NRXN3: variants seen among roughly 807,000 people sequenced by gnomAD.
NRXN3 encodes neurexin III.
In NRXN3, 32 loss-of-function variants were observed where a neutral mutation model predicts 137.6. The observed-to-expected ratio is 0.23, with a 90% CI of 0.18 to 0.31. The LOEUF (loss-of-function observed/expected upper bound fraction) is 0.31. Among genes scored for constraint, NRXN3 ranks in the 10% least tolerant of loss-of-function variants. The pLI is 1.00. For synonymous variants in NRXN3, 798 were observed against 784.5 expected, an observed-to-expected ratio of 1.02 and a Z score of -0.29; for missense variants, 1,574 against 2,062.5, an observed-to-expected ratio of 0.76 and a Z score of 4.59.
chr14:79,150,853 C>T (rs934880493), intron 15 of NRXN3, among the ~76,000 whole-genome samples: 3 of 151,954 alleles, frequency 2.0e-5, no homozygotes, highest in Non-Finnish European at 4.4e-5. Context: ...TAAATGAAGG[C>T]AGAAGCTGCA....
chr14:78,339,278 A>G (rs1240084466), intron 4 of NRXN3, among the ~76,000 whole-genome samples: 1 of 152,208 alleles, frequency 6.6e-6, no homozygotes, highest in East Asian at 1.9e-4. Context: ...TTAACTGATG[A>G]AGAAACTGAA....
chr14:79,531,972 A>G (rs1361173990), intron 16 of NRXN3, among the ~76,000 whole-genome samples: 1 of 152,186 alleles, frequency 6.6e-6, no homozygotes, highest in African/African-American at 2.4e-5. Context: ...TATATCCTTC[A>G]CCTTTATTGC....
At chr14:79,536,379 G>A (rs889171968) in intron 16 of NRXN3, among the ~76,000 whole-genome samples, 2 of 151,942 alleles carry the variant, frequency 1.3e-5, no homozygotes, top group Non-Finnish European at 2.9e-5. Flanking sequence ...AAAAGAGATT[G>A]GTTTTGGAGC....
chr14:78,860,604 T>G (rs1023234208), intron 10 of NRXN3, among the ~76,000 whole-genome samples: 14 of 152,140 alleles, frequency 9.2e-5, no homozygotes, highest in African/African-American at 2.7e-4. Flanking sequence ...ATAAAAGAAG[T>G]GTATTTTGTA....
At chr14:78,541,758 C>T (rs1342515958) in intron 4 of NRXN3, among the ~76,000 whole-genome samples, 1 of 152,158 alleles carries the variant, frequency 6.6e-6, no homozygotes, top group Non-Finnish European at 1.5e-5. Flanking sequence ...TGCTTTCATC[C>T]CACCTTTGGT....
intron 20 of NRXN3, chr14:79,853,574 G>C: frequency 7.4e-7 from 1 of 1,351,162 alleles, no homozygotes; most frequent in Admixed American, 1.9e-5. Context: ...ACTCCGTGCC[G>C]CCCTTACATG....
At chr14:79,118,984 C>G (rs114469530) in intron 15 of NRXN3, among the ~76,000 whole-genome samples, 166 of 152,238 alleles carry the variant, frequency 1.1e-3, no homozygotes, top group African/African-American at 3.8e-3. Flanking sequence ...GCAGTCATTA[C>G]CATCTGTAAG....
At chr14:78,597,409 A>C (rs1247912830) in intron 4 of NRXN3, among the ~76,000 whole-genome samples, 1 of 152,230 alleles carries the variant, frequency 6.6e-6, no homozygotes, top group Non-Finnish European at 1.5e-5. Context: ...CTACATGTTG[A>C]TTACAAAAAC....
At position 78,792,336 on chromosome 14, in the gene NRXN3, CAG is replaced by C. The variant is rs140744550; in HGVS notation, c.2045-11283_2045-11282del. Among the ~76,000 whole-genome samples the C allele has an allele frequency of 8.0e-3, 680 of 85,130 alleles. 5 individuals carry two copies. Among genetic ancestry groups the C allele is most frequent in the African/African-American group, 0.033 (641 of 19,532 alleles). The allele number at this position is 85,130 out of a possible 152,430, so 55.8% of individuals were successfully genotyped here. ...ACTAATTTGAAATAATTAGTAACAACAGGGGGTGGAAAAGATATGGCTAAAAA... is the reference window on the plus strand; with the variant it reads ...ACTAATTTGAAATAATTAGTAACAACGGGGTGGAAAAGATATGGCTAAAAA... On this transcript the variant is annotated intron_variant, in intron 8 of 20. Coordinates refer to ENST00000335750, the MANE Select transcript of NRXN3 (RefSeq NM_001330195.2).
At chr14:79,625,756 C>T (rs1271771528) in intron 16 of NRXN3, among the ~76,000 whole-genome samples, 1 of 152,156 alleles carries the variant, frequency 6.6e-6, no homozygotes, top group East Asian at 1.9e-4. Flanking sequence ...TCCCAGTTGT[C>T]CTGTATGTAT....
At chr14:78,971,387 T>TA (rs1387257559) in intron 14 of NRXN3, among the ~76,000 whole-genome samples, 1 of 152,020 alleles carries the variant, frequency 6.6e-6, no homozygotes, top group Non-Finnish European at 1.5e-5. Flanking sequence ...CTCTTCAAGA[T>TA]ATGTTTTATT....
chr14:78,690,746 A>G (rs2152769418), intron 6 of NRXN3, among the ~76,000 whole-genome samples: 1 of 152,324 alleles, frequency 6.6e-6, no homozygotes, highest in South Asian at 2.1e-4. Context: ...TTAGGTGACC[A>G]TTAACAGAAA....
At chr14:79,488,750 G>A (rs770340634) in intron 16 of NRXN3, among the ~76,000 whole-genome samples, 28 of 152,172 alleles carry the variant, frequency 1.8e-4, no homozygotes, top group Non-Finnish European at 3.5e-4. Context: ...AAACTTCTCA[G>A]TAAAGAAAGT....
At chr14:78,725,075 A>G (rs2098477036) in intron 8 of NRXN3, among the ~76,000 whole-genome samples, 1 of 152,204 alleles carries the variant, frequency 6.6e-6, no homozygotes, top group Non-Finnish European at 1.5e-5. Flanking sequence ...ACCCCAACAG[A>G]GCCTTCTAAG....
In NRXN3 at chr14:79,163,661, G is replaced by A. The variant is rs537398046; in HGVS notation, c.3262+175520G>A. 2.8e-4 allele frequency among the ~76,000 whole-genome samples: 42 copies of A among 151,904 alleles called. No individual in the cohort carries two copies. In the South Asian group the frequency reaches 8.7e-3, roughly 31 times the overall value. On this transcript the variant is annotated intron_variant, in intron 15 of 20. Coordinates refer to ENST00000335750, the MANE Select transcript of NRXN3 (RefSeq NM_001330195.2). The stretch of plus-strand genomic sequence containing the variant: ...ATATTATTTAATTTAGTAAGCAAAT[G>A]TCCCCTGGTATAAGCTGTGTGAATA...
intron 15 of NRXN3, among the ~76,000 whole-genome samples, chr14:79,385,410 T>C (rs1270479129): frequency 6.6e-6 from 1 of 152,034 alleles, no homozygotes; most frequent in African/African-American, 2.4e-5. Context: ...TATGGCTGCA[T>C]AGTATTCCAT....
At chr14:79,695,004 A>G (rs551850241) in intron 18 of NRXN3, among the ~76,000 whole-genome samples, 233 of 152,014 alleles carry the variant, frequency 1.5e-3, no homozygotes, top group African/African-American at 5.5e-3. Flanking sequence ...TCTTATTCTC[A>G]AGAATTGATT....
intron 8 of NRXN3, among the ~76,000 whole-genome samples, chr14:78,793,041 T>G (rs1360619580): frequency 2.6e-5 from 4 of 152,174 alleles, no homozygotes; most frequent in African/African-American, 9.6e-5. Context: ...GGATAAATGC[T>G]TGAGGGGATG....
At chr14:79,620,656 T>C (rs2098213967) in intron 16 of NRXN3, among the ~76,000 whole-genome samples, 2 of 152,130 alleles carry the variant, frequency 1.3e-5, no homozygotes, top group Non-Finnish European at 2.9e-5. Flanking sequence ...GGATAATTTA[T>C]TTAGAGGCAA....
Sources: allele counts gnomAD v4.1 joint callset (sites outside exome capture counted in the v4.1 genomes callset), GRCh38; gene constraint gnomAD v4.1.1; transcripts MANE v1.5; gene names NCBI Gene and HGNC (gene_info 2026-07-23, HGNC 2026-07-21).